PTGR1: variants seen among roughly 807,000 people sequenced by gnomAD.
PTGR1 encodes the protein 15-oxoprostaglandin 13-reductase.
PTGR1 carries 23 observed loss-of-function variants against 37.7 expected under a neutral mutation model. That is an observed-to-expected ratio of 0.61 (90% CI 0.44 to 0.86). The LOEUF (loss-of-function observed/expected upper bound fraction) is 0.86, where lower values mean the gene tolerates loss of function less well. Among genes scored for constraint, PTGR1 ranks in the 40% least tolerant of loss-of-function variants. PTGR1 has a pLI of 0.00. For synonymous variants in PTGR1, 134 were observed against 140.0 expected (o/e 0.96, Z 0.30); for missense variants, 351 against 394.3 (o/e 0.89, Z 0.93).
intron 4 of PTGR1, chr9:111,592,649 C>T: frequency 3.2e-6 from 1 of 310,394 alleles, no homozygotes; most frequent in Non-Finnish European, 5.8e-6. Flanking sequence ...CTGGCCAGAT[C>T]CCGCAATAAA....
intron 9 of PTGR1, among the ~76,000 whole-genome samples, chr9:111,565,243 C>G (rs1828504546): frequency 6.6e-6 from 1 of 152,036 alleles, no homozygotes; most frequent in South Asian, 2.1e-4. Flanking sequence ...CGTGAAGATG[C>G]AGGGAAAAGG....
At chr9:111,570,252 G>A (rs1410290986) in intron 8 of PTGR1, 43 bp from the exon 9 acceptor site, 2 of 1,585,078 alleles carry the variant, frequency 1.3e-6, no homozygotes, top group South Asian at 1.2e-5. Flanking sequence ...ATCCAGGGAG[G>A]TGCCCATGGT....
intron 7 of PTGR1, among the ~76,000 whole-genome samples, chr9:111,575,694 A>G (rs1283803032): frequency 2.0e-5 from 3 of 152,248 alleles, no homozygotes; most frequent in African/African-American, 4.8e-5. Flanking sequence ...GGATTTCCAC[A>G]TGGAAAATAA....
chr9:111,598,665 T>G (rs144761612), intron 1 of PTGR1, among the ~76,000 whole-genome samples: 2,573 of 152,112 alleles, frequency 0.017, 75 homozygotes, highest in African/African-American at 0.059. Context: ...CAGCTAATTT[T>G]TGTACTTTTA....
At chr9:111,565,966 C>G (rs1828543172) in intron 9 of PTGR1, among the ~76,000 whole-genome samples, 1 of 152,120 alleles carries the variant, frequency 6.6e-6, no homozygotes, top group South Asian at 2.1e-4. Context: ...AATTCGAGCA[C>G]TTTGTGAGGC....
intron 6 of PTGR1, 66 bp from the exon 7 acceptor site, chr9:111,579,017 C>G: frequency 2.7e-6 from 4 of 1,471,110 alleles, no homozygotes; most frequent in Non-Finnish European, 3.6e-6. Context: ...ACACTACTTT[C>G]CTGGTCTCGT....
At chr9:111,594,361 G>A (rs1019300783) in intron 2 of PTGR1, 94 bp from the exon 3 acceptor site, 3 of 1,175,516 alleles carry the variant, frequency 2.6e-6, no homozygotes, top group Non-Finnish European at 3.8e-6. Flanking sequence ...GGTGAGACAG[G>A]GACAAGGGTT....
intron 9 of PTGR1, among the ~76,000 whole-genome samples, chr9:111,567,264 T>C (rs1828605065): frequency 6.6e-6 from 1 of 152,172 alleles, no homozygotes; most frequent in African/African-American, 2.4e-5. Flanking sequence ...CTTGACTCAC[T>C]GCAACCTCCG....
In PTGR1 at chr9:111,563,537, G is replaced by A. The variant is rs151040007; in HGVS notation, c.880-306C>T. On this transcript the variant is annotated intron_variant, in intron 9 of 9. Transcript: ENST00000407693. ...TTTTTTTTTTTTGAGACAGAGTCTC[G>A]CTCTGTTGCCCAGGCTGGAGTGCAG... is the stretch of plus-strand genomic sequence containing the variant. 362 of 184,262 alleles carry A rather than the reference G, an allele frequency of 2.0e-3. 2 individuals are homozygous for A. The highest frequency in any genetic ancestry group is 8.6e-3 in the African/African-American group (354 of 41,140). The allele number at this position is 184,262 out of a possible 1,614,324, so 11.4% of individuals were successfully genotyped here.
chr9:111,572,769 A>T, intron 8 of PTGR1, among the ~76,000 whole-genome samples: 1 of 150,862 alleles, frequency 6.6e-6, no homozygotes, highest in African/African-American at 2.4e-5. Flanking sequence ...AAAAAAAAAA[A>T]AAAAAAAAAA....
intron 9 of PTGR1, among the ~76,000 whole-genome samples, chr9:111,550,176 T>G (rs987933074): frequency 9.2e-5 from 14 of 152,186 alleles, no homozygotes; most frequent in African/African-American, 3.4e-4. Flanking sequence ...AGAGCCTGCG[T>G]TTTTCCCTGG....
chr9:111,591,745 AT>A (rs1263308693), intron 4 of PTGR1, among the ~76,000 whole-genome samples: 7 of 152,188 alleles, frequency 4.6e-5, no homozygotes, highest in African/African-American at 1.7e-4. Context: ...AGTTTCTAAG[AT>A]AAAAATTTTG....
intron 9 of PTGR1, among the ~76,000 whole-genome samples, chr9:111,565,756 C>T (rs1260647972): frequency 2.0e-5 from 3 of 152,082 alleles, no homozygotes; most frequent in African/African-American, 7.2e-5. Context: ...GACTCCTGGG[C>T]TCAAGCAGTC....
intron 4 of PTGR1, among the ~76,000 whole-genome samples, chr9:111,590,556 G>C (rs1374492866): frequency 6.6e-6 from 1 of 152,086 alleles, no homozygotes; most frequent in Non-Finnish European, 1.5e-5. Context: ...ATTGGGTTTT[G>C]ACATGTTGGC....
intron 1 of PTGR1, among the ~76,000 whole-genome samples, chr9:111,598,696 T>C (rs866321424): frequency 3.3e-5 from 5 of 152,036 alleles, no homozygotes; most frequent in African/African-American, 1.2e-4. Context: ...GGTTTCCCCA[T>C]GTTGGCCAGA....
rs1265291702 is a variant in PTGR1, at chr9:111,586,127, G to A, written c.248C>T (p.Thr83Ile). ...CCAGCCTGGAGAAGCCAGTACAATAGTTCCTTTTGGTAGGGCTACATTTTT... is the reference window on the plus strand; with the variant it reads ...CCAGCCTGGAGAAGCCAGTACAATAATTCCTTTTGGTAGGGCTACATTTTT... ...ESKNVALPKG[T>I]IVLASPGWTT... Residue 83 changes from threonine to isoleucine, a missense_variant, in exon 5 of 10, where the codon ACT (threonine) becomes ATT (isoleucine). Physicochemically the swap from Thr to Ile is moderately conservative, Grantham distance 89. Coordinates refer to ENST00000407693, the MANE Select transcript of PTGR1 (RefSeq NM_001146108.2). 2 of 1,614,116 alleles carry A rather than the reference G, an allele frequency of 1.2e-6. No homozygotes were observed. Among genetic ancestry groups the A allele is most frequent in the Admixed American group, 3.3e-5 (2 of 60,020 alleles).
At chr9:111,572,387 A>G (rs962978004) in intron 8 of PTGR1, among the ~76,000 whole-genome samples, 1 of 152,106 alleles carries the variant, frequency 6.6e-6, no homozygotes, top group Non-Finnish European at 1.5e-5. Context: ...GAGGTCAGGA[A>G]ATCAAGACCA....
chr9:111,549,866 A>G, intron 9 of PTGR1: 1 of 1,008,802 alleles, frequency 9.9e-7, no homozygotes, highest in East Asian at 2.6e-5. Context: ...AAGTCTGTCT[A>G]GTGAGTCAAT....
At chr9:111,562,276 CTTT>C (rs35900341), downstream of PTGR1, among the ~76,000 whole-genome samples, 4 of 140,496 alleles carry the variant, frequency 2.8e-5, no homozygotes, top group Non-Finnish European at 3.1e-5. Context: ...AAGCAGTAAA[CTTT>C]TTTTTTTTTT....
Sources: gnomAD v4.1 joint callset for allele counts (sites outside exome capture counted in the v4.1 genomes callset) on GRCh38, gnomAD v4.1.1 for gene constraint, MANE v1.5 for transcripts, NCBI Gene and HGNC (gene_info 2026-07-23, HGNC 2026-07-21) for gene names.